DHRS4L2: variants seen among roughly 807,000 people sequenced by gnomAD.
DHRS4L2 encodes the protein dehydrogenase/reductase 4 like 2.
A neutral mutation model predicts 23.9 loss-of-function variants in DHRS4L2; 22 were observed. The observed-to-expected ratio is 0.92, with a 90% CI of 0.66 to 1.31. DHRS4L2 has a LOEUF of 1.31. Among genes scored for constraint, DHRS4L2 ranks in the 40% most tolerant of loss-of-function variants. DHRS4L2 has a pLI of 0.00. For synonymous variants in DHRS4L2, 141 were observed against 123.7 expected, an observed-to-expected ratio of 1.14 and a Z score of -0.93; for missense variants, 385 against 303.3, an observed-to-expected ratio of 1.27 and a Z score of -2.00.
At position 23,994,909 on chromosome 14, in the gene DHRS4L2, A is replaced by G. The variant is rs1029717072; in HGVS notation, c.307-123A>G. ...AGTGAGCCTCCCACCTTGGCCTCCC[A>G]AAGTGCTATGATTACAGGCATGAGC... On this transcript the variant is annotated intron_variant, in intron 2 of 7. Transcript: ENST00000335125. 1.7e-4 allele frequency: 215 copies of G among 1,242,490 alleles called. 3 individuals are homozygous for G. Among genetic ancestry groups the G allele is most frequent in the Admixed American group, 8.4e-4 (44 of 52,102 alleles). The allele number at this position is 1,242,490 out of a possible 1,614,324, so 77.0% of individuals were successfully genotyped here.
chr14:23,994,426 GCTT>G (rs2034333833), intron 2 of DHRS4L2, among the ~76,000 whole-genome samples: 1 of 151,762 alleles, frequency 6.6e-6, no homozygotes, highest in African/African-American at 2.4e-5. Flanking sequence ...CTTCCTGGTG[GCTT>G]GTGCCTATAA....
upstream of DHRS4L2, among the ~76,000 whole-genome samples, chr14:23,988,520 G>T (rs1232611286): frequency 2.0e-5 from 3 of 150,852 alleles, no homozygotes; most frequent in Non-Finnish European, 3.0e-5. Context: ...GCCCTCCTGT[G>T]GGCTGTCACA....
intron 1 of DHRS4L2, among the ~76,000 whole-genome samples, chr14:23,972,263 T>A (rs534451248): frequency 6.6e-6 from 1 of 152,134 alleles, no homozygotes; most frequent in South Asian, 2.1e-4. Context: ...CAGAGTTTCT[T>A]CCTTCTGGTG....
rs570675016 is a variant in DHRS4L2, at chr14:23,973,362, C to T, written c.-176+3030C>T. ...GCACAGCCCCAGTTCCCGCCCATGC[C>T]TCTCCCTCCACACCTCCCTGCAATC... On this transcript the variant is annotated intron_variant, in intron 1 of 5. Transcript: ENST00000534993. 3.3e-4 allele frequency among the ~76,000 whole-genome samples: 50 copies of T among 152,024 alleles called. 3 individuals carry two copies. In the South Asian group the frequency reaches 0.01, roughly 30 times the overall value.
chr14:23,994,464 G>T (rs1237955386), intron 2 of DHRS4L2, among the ~76,000 whole-genome samples: 7 of 151,718 alleles, frequency 4.6e-5, no homozygotes, highest in African/African-American at 1.7e-4. Flanking sequence ...AAGGCAGGTG[G>T]ATGGCTTGAG....
At chr14:23,976,269 AT>A (rs1384243022) in intron 1 of DHRS4L2, among the ~76,000 whole-genome samples, 5 of 151,820 alleles carry the variant, frequency 3.3e-5, no homozygotes, top group African/African-American at 7.3e-5. Context: ...AAGAAAAAAA[AT>A]AACCCCATCA....
rs1166457280 is a variant in DHRS4L2 at position 23,982,440 on chromosome 14, T to C, written c.-175-7742T>C. 4.0e-5 allele frequency among the ~76,000 whole-genome samples: 6 copies of C among 151,710 alleles called. No individual in the cohort carries two copies. In the South Asian group the frequency reaches 8.4e-4, roughly 21 times the overall value. ...CAAAATGGAGTTTCTTATGTCTTCC[T>C]TTTCTACATAGACACAGTAACAGTC... On this transcript the variant is annotated intron_variant, in intron 1 of 5. Coordinates refer to the DHRS4L2 transcript ENST00000534993.
intron 3 of DHRS4L2, among the ~76,000 whole-genome samples, chr14:23,996,280 A>G (rs1259817526): frequency 6.6e-6 from 1 of 151,440 alleles, no homozygotes; most frequent in Non-Finnish European, 1.5e-5. Context: ...CAAACTTACC[A>G]ACTATATCAG....
At chr14:23,973,352 C>G (rs2033901609) in intron 1 of DHRS4L2, among the ~76,000 whole-genome samples, 1 of 151,940 alleles carries the variant, frequency 6.6e-6, no homozygotes, top group South Asian at 2.1e-4. Context: ...GCCCCAGTTC[C>G]CGCCCATGCC....
chr14:23,996,334 A>C (rs1406027771), intron 3 of DHRS4L2, among the ~76,000 whole-genome samples: 1 of 151,504 alleles, frequency 6.6e-6, no homozygotes, highest in African/African-American at 2.4e-5. Flanking sequence ...GGTTGCCAAA[A>C]TACTATGATT....
intron 3 of DHRS4L2, among the ~76,000 whole-genome samples, 172 bp downstream of exon 3, chr14:23,995,305 T>A (rs75370830): frequency 0.085 from 12,902 of 151,750 alleles, 859 homozygotes; most frequent in East Asian, 0.23. Context: ...GCTCTTTCTC[T>A]GCCCTTCTCA....
rs151062129 is a variant in DHRS4L2, at chr14:23,989,026, C to A, written c.79C>A (p.Arg27=). 193 of 1,605,080 alleles carry A rather than the reference C, an allele frequency of 1.2e-4. 4 individuals are homozygous for A. The African/African-American group carries it at 2.1e-3, about 17-fold the overall frequency. Residue 27 remains arginine (R), a synonymous_variant, in exon 1 of 8, where the codon CGG becomes AGG. Coordinates refer to ENST00000335125, the MANE Select transcript of DHRS4L2 (RefSeq NM_198083.4). ...GATGGCCAGCTCCAGGATGACCCGC[C>A]GGGACCCGCTCACAAATAAGGTGGC... ...VRMASSRMTR[R]DPLTNKVALV... is the part of the protein sequence containing the mutation.
rs565736401 is a variant in DHRS4L2, at chr14:24,000,847, C to A, written c.409-16C>A. 110 of 1,604,080 alleles carry A rather than the reference C, an allele frequency of 6.9e-5. 7 individuals are homozygous for A. The Middle Eastern group carries it at 8.3e-4, about 12-fold the overall frequency. ...CTCTTCACTCATGCTGTTTCCCCTTCTTCTCTTGGCTTCAGACTCTGGACA... is the reference window on the plus strand; with the variant it reads ...CTCTTCACTCATGCTGTTTCCCCTTATTCTCTTGGCTTCAGACTCTGGACA... On this transcript the variant is annotated splice_polypyrimidine_tract_variant and intron_variant, in intron 3 of 7. Coordinates refer to ENST00000335125, the MANE Select transcript of DHRS4L2 (RefSeq NM_198083.4).
upstream of DHRS4L2, among the ~76,000 whole-genome samples, chr14:23,984,701 G>A (rs539384365): frequency 1.0e-4 from 15 of 150,554 alleles, no homozygotes; most frequent in Admixed American, 3.3e-4. Flanking sequence ...CAGCTACTCG[G>A]GAGGCTGAGG....
chr14:23,996,473 T>C lies in DHRS4L2; in HGVS notation c.408+1340T>C, dbSNP rs565418991. ...ACACAGCGAGACCTTTTCTCTATAT[T>C]AAAAACAACAACAACAACAATGACA... On this transcript the variant is annotated intron_variant, in intron 3 of 7. Coordinates refer to ENST00000335125, the MANE Select transcript of DHRS4L2 (RefSeq NM_198083.4). Among the ~76,000 whole-genome samples the C allele has an allele frequency of 1.3e-5, 2 of 150,920 alleles. 1 individual carries two copies. Among genetic ancestry groups the C allele is most frequent in the Non-Finnish European group, 3.0e-5 (2 of 67,476 alleles).
intron 3 of DHRS4L2, among the ~76,000 whole-genome samples, chr14:23,995,341 T>C (rs182017660): frequency 2.0e-5 from 3 of 151,818 alleles, no homozygotes; most frequent in African/African-American, 7.2e-5. Flanking sequence ...CCTAGTTCTC[T>C]CTGCTTCTAT....
chr14:23,991,845 C>T (rs1047935488), intron 2 of DHRS4L2, among the ~76,000 whole-genome samples: 2 of 151,050 alleles, frequency 1.3e-5, no homozygotes, highest in Admixed American at 1.3e-4. Context: ...AAGCAATTCT[C>T]ATGCCTCAGC....
intron 7 of DHRS4L2, 117 bp from the exon 8 acceptor site, chr14:24,005,769 G>C: frequency 6.5e-7 from 1 of 1,541,152 alleles, no homozygotes; most frequent in Non-Finnish European, 8.8e-7. Flanking sequence ...CTTGTACACT[G>C]ATCCTGAAAA....
intron 1 of DHRS4L2, among the ~76,000 whole-genome samples, chr14:23,971,552 T>G (rs1161608741): frequency 1.3e-5 from 2 of 151,694 alleles, no homozygotes; most frequent in African/African-American, 4.8e-5. Flanking sequence ...ATTGTCAGAC[T>G]CAGCAAGGTT....
Sources: gnomAD v4.1 joint callset for allele counts (sites outside exome capture counted in the v4.1 genomes callset) on GRCh38, gnomAD v4.1.1 for gene constraint, MANE v1.5 for transcripts, NCBI Gene and HGNC (gene_info 2026-07-23, HGNC 2026-07-21) for gene names.